TMEM123: variants seen among roughly 807,000 people sequenced by gnomAD.
The protein encoded by TMEM123 is porimin.
A neutral mutation model predicts 19.7 loss-of-function variants in TMEM123; 16 were observed. That is an observed-to-expected ratio of 0.81 (90% CI 0.55 to 1.23). The LOEUF is 1.23. TMEM123 is among the 50% of genes most tolerant of loss of function. TMEM123 has a pLI of 0.00. For missense variants in TMEM123, 313 were observed against 257.8 expected (o/e 1.21, Z -1.47); for synonymous variants, 118 against 99.4 (o/e 1.19, Z -1.12).
intron 4 of TMEM123, among the ~76,000 whole-genome samples, 192 bp from the exon 5 acceptor site, chr11:102,399,083 G>T (rs907564226): frequency 6.6e-6 from 1 of 152,126 alleles, no homozygotes; most frequent in Non-Finnish European, 1.5e-5. Flanking sequence ...AATGGCATGG[G>T]GATCCACCAT....
chr11:102,442,204 GGCCA>G (rs554517777), intron 2 of TMEM123, among the ~76,000 whole-genome samples: 2 of 152,286 alleles, frequency 1.3e-5, no homozygotes, highest in African/African-American at 4.8e-5. Flanking sequence ...CATTTTATGA[GGCCA>G]GCATCATCCT....
At chr11:102,431,170 TA>T (rs918270635) in intron 2 of TMEM123, among the ~76,000 whole-genome samples, 32 of 151,544 alleles carry the variant, frequency 2.1e-4, no homozygotes, top group East Asian at 5.8e-4. Context: ...GTGGGATACT[TA>T]AAAAAAAACT....
At chr11:102,425,207 T>G (rs946124814) in intron 2 of TMEM123, among the ~76,000 whole-genome samples, 1 of 152,196 alleles carries the variant, frequency 6.6e-6, no homozygotes, top group African/African-American at 2.4e-5. Flanking sequence ...AGCTCTTTTT[T>G]CATCTCTAAA....
chr11:102,401,565 T>A lies in TMEM123; in HGVS notation c.576A>T (p.Ser192=), dbSNP rs1349640834. ...ILYIGCKMYY[S]RRGIRYRTID... Reference sequence around the variant, plus strand: ...TGGTTCGATACCGAATGCCTCTTCTTGAGTAATACATTTTGCATCCAATGT... The same window carrying A: ...TGGTTCGATACCGAATGCCTCTTCTAGAGTAATACATTTTGCATCCAATGT... The change falls in exon 4 of 5, where the codon TCA becomes TCT. Residue 192 remains serine, a synonymous_variant. Transcript: ENST00000398136. The A allele has an allele frequency of 1.9e-6, 3 of 1,590,018 alleles. No homozygotes were observed. The highest frequency in any genetic ancestry group is 2.6e-6 in the Non-Finnish European group (3 of 1,174,036).
intron 2 of TMEM123, among the ~76,000 whole-genome samples, chr11:102,440,832 A>T (rs915580004): frequency 6.6e-6 from 1 of 152,212 alleles, no homozygotes; most frequent in Admixed American, 6.5e-5. Flanking sequence ...TAGGCTCAAA[A>T]TAAAGGGATG....
intron 2 of TMEM123, among the ~76,000 whole-genome samples, chr11:102,430,084 G>A (rs1195746063): frequency 6.6e-6 from 1 of 152,134 alleles, no homozygotes; most frequent in Non-Finnish European, 1.5e-5. Context: ...ACCTTTTCTG[G>A]ATGGGCTTCA....
intron 2 of TMEM123, among the ~76,000 whole-genome samples, chr11:102,442,591 A>G (rs1591567296): frequency 6.6e-6 from 1 of 152,354 alleles, no homozygotes; most frequent in East Asian, 1.9e-4. Flanking sequence ...CCAATATCAT[A>G]CTGAATGGGC....
chr11:102,426,451 CTTTTTTT>C (rs140836722), intron 2 of TMEM123, among the ~76,000 whole-genome samples: 4 of 143,280 alleles, frequency 2.8e-5, no homozygotes, highest in African/African-American at 1.0e-4. Flanking sequence ...TATTTATTAT[CTTTTTTT>C]TTTTTTTTAA....
At chr11:102,403,642 T>C (rs866544270) in intron 2 of TMEM123, among the ~76,000 whole-genome samples, 1 of 152,232 alleles carries the variant, frequency 6.6e-6, no homozygotes, top group Non-Finnish European at 1.5e-5. Flanking sequence ...TTTGGTTTGT[T>C]TGTCCCTATC....
intron 2 of TMEM123, among the ~76,000 whole-genome samples, chr11:102,442,672 C>T (rs1367986295): frequency 2.0e-5 from 3 of 152,192 alleles, no homozygotes; most frequent in Non-Finnish European, 2.9e-5. Context: ...TCCCATTCAA[C>T]ACACTGTTGG....
chr11:102,442,350 A>G lies in TMEM123; in HGVS notation c.157+6462T>C, dbSNP rs372281202. Among the ~76,000 whole-genome samples, 803 of 152,266 alleles carry G rather than the reference A, an allele frequency of 5.3e-3. 7 individuals are homozygous for G. Among genetic ancestry groups the G allele is most frequent in the African/African-American group, 0.018 (761 of 41,558 alleles). The stretch of plus-strand genomic sequence containing the variant: ...GCACATCAAAAAGCTTATCCACCAC[A>G]ATCAAGTTGGCTTCATCCCTGGGAT... On this transcript the variant is annotated intron_variant, in intron 2 of 4. Coordinates refer to ENST00000398136, the MANE Select transcript of TMEM123 (RefSeq NM_052932.3).
At position 102,398,716 on chromosome 11, in the gene TMEM123, CT is replaced by C. The variant is rs1951882511; in HGVS notation, c.*150del. ...CCAAACCCTTGTTACCTTGAAGAATCTTTACATATTTACGTAATACACTGTA... is the reference window on the plus strand; with the variant it reads ...CCAAACCCTTGTTACCTTGAAGAATCTTACATATTTACGTAATACACTGTA... On this transcript the variant is annotated 3_prime_UTR_variant, in exon 5 of 5. Transcript: ENST00000398136. 2 of 739,844 alleles carry C rather than the reference CT, an allele frequency of 2.7e-6. No homozygotes were observed. Among genetic ancestry groups the C allele is most frequent in the East Asian group, 3.0e-5 (1 of 32,804 alleles). 45.8% of individuals were successfully genotyped at this position (739,844 alleles called of 1,614,324 possible).
At chr11:102,423,669 A>G (rs899617561) in intron 2 of TMEM123, among the ~76,000 whole-genome samples, 1 of 152,246 alleles carries the variant, frequency 6.6e-6, no homozygotes, top group African/African-American at 2.4e-5. Flanking sequence ...GGGTTCTGCT[A>G]TGTATCAATA....
At chr11:102,414,084 A>G (rs1384526271) in intron 2 of TMEM123, among the ~76,000 whole-genome samples, 2 of 152,222 alleles carry the variant, frequency 1.3e-5, no homozygotes, top group African/African-American at 2.4e-5. Context: ...GAAGAGACCA[A>G]TCTGAGGAAA....
intron 2 of TMEM123, among the ~76,000 whole-genome samples, chr11:102,407,770 AG>A (rs1048765669): frequency 7.9e-5 from 12 of 152,324 alleles, no homozygotes; most frequent in African/African-American, 2.6e-4. Context: ...ATTCTCTCAA[AG>A]CCCCCAGAAG....
At chr11:102,403,719 C>A (rs1951931664) in intron 2 of TMEM123, among the ~76,000 whole-genome samples, 1 of 152,170 alleles carries the variant, frequency 6.6e-6, no homozygotes, top group Admixed American at 6.5e-5. Context: ...TGGGAGTTGT[C>A]TGGATCATGG....
chr11:102,420,213 C>T (rs1364600152), intron 2 of TMEM123, among the ~76,000 whole-genome samples: 2 of 152,162 alleles, frequency 1.3e-5, no homozygotes, highest in South Asian at 2.1e-4. Flanking sequence ...CCCTTGCCCC[C>T]CAAGGCTTCT....
intron 2 of TMEM123, among the ~76,000 whole-genome samples, chr11:102,438,851 TGACA>T (rs1307137243): frequency 1.3e-5 from 2 of 152,174 alleles, no homozygotes; most frequent in Non-Finnish European, 2.9e-5. Context: ...AGGGAAGCCG[TGACA>T]GACAGTACCT....
chr11:102,434,292 T>C lies in TMEM123; in HGVS notation c.157+14520A>G, dbSNP rs960732891. On this transcript the variant is annotated intron_variant, in intron 2 of 4. Transcript: ENST00000398136. ...TTTTGAGAATAGCCATTCTCATAGG[T>C]GTGAGAAGACATTTCATTGTGGTTT... is the stretch of plus-strand genomic sequence containing the variant. Among the ~76,000 whole-genome samples, 3 of 151,930 alleles carry C rather than the reference T, an allele frequency of 2.0e-5. 1 individual carries two copies. The highest frequency in any genetic ancestry group is 4.4e-5 in the Non-Finnish European group (3 of 67,892).
Sources: gnomAD v4.1 joint callset for allele counts (sites outside exome capture counted in the v4.1 genomes callset) on GRCh38, gnomAD v4.1.1 for gene constraint, MANE v1.5 for transcripts, NCBI Gene and HGNC (gene_info 2026-07-23, HGNC 2026-07-21) for gene names.